VPS35L: variants seen among roughly 807,000 people sequenced by gnomAD.
VPS35L encodes VPS35 endosomal protein sorting factor like, also known as VPS35 endosomal protein-sorting factor-like.
VPS35L carries 83 observed loss-of-function variants against 133.0 expected under a neutral mutation model. The ratio of observed to expected loss-of-function variants is 0.62; its 90% confidence interval spans 0.52 to 0.75. VPS35L has a LOEUF of 0.75. Among genes scored for constraint, VPS35L ranks in the 30% least tolerant of loss-of-function variants. The pLI is 0.00. For synonymous variants in VPS35L, 423 were observed against 449.9 expected (o/e 0.94, Z 0.76); for missense variants, 1,083 against 1,206.8 (o/e 0.90, Z 1.52).
At chr16:19,662,707 G>T (rs1211059310) in intron 26 of VPS35L, among the ~76,000 whole-genome samples, 1 of 152,168 alleles carries the variant, frequency 6.6e-6, no homozygotes, top group Non-Finnish European at 1.5e-5. Flanking sequence ...TCAACTCAAG[G>T]TAAAGAGGAT....
At chr16:19,669,072 C>A (rs1974788370) in intron 26 of VPS35L, 88 bp from the exon 27 acceptor site, 3 of 1,405,970 alleles carry the variant, frequency 2.1e-6, no homozygotes, top group Non-Finnish European at 1.9e-6. Flanking sequence ...ACCTAACTCT[C>A]AGGACTGGCC....
At chr16:19,645,591 CT>C (rs1567451462) in intron 23 of VPS35L, among the ~76,000 whole-genome samples, 1 of 151,992 alleles carries the variant, frequency 6.6e-6, no homozygotes, top group Non-Finnish European at 1.5e-5. Context: ...ACCCAGCCCC[CT>C]GTCTGTCTTT....
At chr16:19,627,955 A>C in intron 16 of VPS35L, 150 bp downstream of exon 16, 1 of 664,376 alleles carries the variant, frequency 1.5e-6, no homozygotes, top group Non-Finnish European at 2.6e-6. Flanking sequence ...AAGATGAGTT[A>C]GAGGTTGGGA....
chr16:19,670,351 G>A (rs1199350048), intron 27 of VPS35L, among the ~76,000 whole-genome samples: 2 of 152,284 alleles, frequency 1.3e-5, no homozygotes, highest in Admixed American at 6.5e-5. Flanking sequence ...CACAGGCCTC[G>A]GAACCAAGAT....
Position 19,573,946 on chromosome 16 carries a change from C to A in VPS35L, c.408+705C>A, listed in dbSNP as rs1049353734. ...CTGGAGCTGGAAATTTACTATTTCT[C>A]TGGATGGCCATTAGGTGAAGTAGTT... On this transcript the variant is annotated intron_variant, in intron 4 of 30. Transcript: ENST00000417362. Among the ~76,000 whole-genome samples the A allele has an allele frequency of 7.2e-5, 11 of 152,148 alleles. 1 individual carries two copies. Among genetic ancestry groups the A allele is most frequent in the Non-Finnish European group, 1.3e-4 (9 of 68,036 alleles).
intron 8 of VPS35L, among the ~76,000 whole-genome samples, chr16:19,600,410 C>T (rs182084581): frequency 3.9e-5 from 6 of 152,266 alleles, no homozygotes; most frequent in African/African-American, 1.4e-4. Context: ...ACTTTTGATA[C>T]CAGTTTAGGG....
At chr16:19,590,832 G>A (rs1972021125) in intron 7 of VPS35L, among the ~76,000 whole-genome samples, 1 of 152,098 alleles carries the variant, frequency 6.6e-6, no homozygotes, top group African/African-American at 2.4e-5. Flanking sequence ...GTACATACCT[G>A]TAGTCCCAGC....
rs79502988 is a variant in VPS35L, at chr16:19,644,534, C to T, written c.1866-352C>T. Among the ~76,000 whole-genome samples the T allele has an allele frequency of 5.8e-3, 885 of 152,186 alleles. 11 individuals carry two copies. The highest frequency in any genetic ancestry group is 0.02 in the African/African-American group (824 of 41,492). ...ATTACAGGTGTGAACCAGCACACCC[C>T]GCTGGAGATTTTTTAAATAAAATAT... On this transcript the variant is annotated intron_variant, in intron 22 of 30. Coordinates refer to ENST00000417362, the MANE Select transcript of VPS35L (RefSeq NM_020314.7).
chr16:19,573,631 C>T (rs1261593108), intron 4 of VPS35L, among the ~76,000 whole-genome samples: 1 of 151,932 alleles, frequency 6.6e-6, no homozygotes, highest in Non-Finnish European at 1.5e-5. Context: ...CCAGCCTGGC[C>T]AACATAGTGA....
In VPS35L at chr16:19,652,103, T is replaced by G; in HGVS notation, c.2221+13T>G. 6.5e-7 allele frequency: 1 copy of G among 1,527,796 alleles called. No homozygotes were observed. Among genetic ancestry groups the G allele is most frequent in the Non-Finnish European group, 9.0e-7 (1 of 1,111,050 alleles). The allele number at this position is 1,527,796 out of a possible 1,614,324, so 94.6% of individuals were successfully genotyped here. On this transcript the variant is annotated intron_variant, in intron 26 of 30. Transcript: ENST00000417362. ...TGCCTCTCCCAAGGTAAGTCCATCATTCTCTCATCTCGGGCACTCCCTTGC... is the reference window on the plus strand; with the variant it reads ...TGCCTCTCCCAAGGTAAGTCCATCAGTCTCTCATCTCGGGCACTCCCTTGC...
At position 19,669,304 on chromosome 16, in the gene VPS35L, G is replaced by A. The variant is rs773603431; in HGVS notation, c.2361+5G>A. The A allele has an allele frequency of 3.1e-6, 5 of 1,603,100 alleles. No homozygotes were observed. Among genetic ancestry groups the A allele is most frequent in the Non-Finnish European group, 3.4e-6 (4 of 1,172,334 alleles). ...TCTACTTTATTAATAGTTCCGGTAC[G>A]TTTCCTCAGCAGAACCGCAGGACAT... On this transcript the variant is annotated splice_donor_5th_base_variant and intron_variant, in intron 27 of 30. Transcript: ENST00000417362.
intron 13 of VPS35L, 90 bp from the exon 14 acceptor site, chr16:19,616,596 A>G: frequency 6.7e-7 from 1 of 1,488,792 alleles, no homozygotes; most frequent in South Asian, 1.3e-5. Flanking sequence ...CCACATGCTT[A>G]CAAGTATGCA....
chr16:19,695,479 C>T (rs756001337), intron 29 of VPS35L, among the ~76,000 whole-genome samples: 1 of 152,030 alleles, frequency 6.6e-6, no homozygotes, highest in Non-Finnish European at 1.5e-5. Flanking sequence ...TCAATACCAG[C>T]GATGTTCACT....
intron 9 of VPS35L, among the ~76,000 whole-genome samples, chr16:19,604,988 T>C (rs2151541935): frequency 6.6e-6 from 1 of 152,342 alleles, no homozygotes; most frequent in Non-Finnish European, 1.5e-5. Flanking sequence ...GGGTTTATTG[T>C]ATTATGGTTC....
rs552294959 is a variant in VPS35L, at chr16:19,592,420, G to A, written c.724+546G>A. Among the ~76,000 whole-genome samples, 6 of 152,104 alleles carry A rather than the reference G, an allele frequency of 3.9e-5. No homozygotes were observed. In the South Asian group the frequency reaches 1.0e-3, roughly 26 times the overall value. Reference sequence around the variant, plus strand: ...TGTGATAGACTAGTAAAGTGAATGAGTGAAGCAGGGCAGGCTGGGGGCACT... The same window carrying A: ...TGTGATAGACTAGTAAAGTGAATGAATGAAGCAGGGCAGGCTGGGGGCACT... On this transcript the variant is annotated intron_variant, in intron 8 of 30. Transcript: ENST00000417362.
intron 26 of VPS35L, among the ~76,000 whole-genome samples, chr16:19,659,143 TTAAGA>T (rs1261917846): frequency 6.6e-6 from 1 of 152,172 alleles, no homozygotes; most frequent in Admixed American, 6.5e-5. Context: ...AGAACCAAAA[TTAAGA>T]TAAGGAATAC....
intron 27 of VPS35L, among the ~76,000 whole-genome samples, chr16:19,669,637 G>C (rs62024103): frequency 1.3e-5 from 2 of 151,088 alleles, no homozygotes; most frequent in Non-Finnish European, 2.9e-5. Context: ...CCACTTCCAG[G>C]TTGCAGACAA....
chr16:19,693,031 G>A (rs1015038988), intron 29 of VPS35L, among the ~76,000 whole-genome samples: 2 of 152,222 alleles, frequency 1.3e-5, no homozygotes, highest in Non-Finnish European at 2.9e-5. Flanking sequence ...AGCCCTGGGG[G>A]CCCGTAGCAC....
intron 29 of VPS35L, among the ~76,000 whole-genome samples, chr16:19,696,964 T>G (rs1242858725): frequency 1.3e-5 from 2 of 152,140 alleles, no homozygotes; most frequent in Non-Finnish European, 2.9e-5. Context: ...CTCCCAGGTG[T>G]CAGACGAGGA....
Sources: gnomAD v4.1 joint callset for allele counts (sites outside exome capture counted in the v4.1 genomes callset) on GRCh38, gnomAD v4.1.1 for gene constraint, MANE v1.5 for transcripts, NCBI Gene and HGNC (gene_info 2026-07-23, HGNC 2026-07-21) for gene names.